CNTNAP2: variants seen among roughly 807,000 people sequenced by gnomAD.
The protein encoded by CNTNAP2 is contactin associated protein 2.
A neutral mutation model predicts 155.2 loss-of-function variants in CNTNAP2; 98 were observed. The observed-to-expected ratio is 0.63, with a 90% CI of 0.54 to 0.75. The LOEUF (loss-of-function observed/expected upper bound fraction) is 0.75, where lower values mean the gene tolerates loss of function less well. Among genes scored for constraint, CNTNAP2 ranks in the 30% least tolerant of loss-of-function variants. The probability of loss-of-function intolerance (pLI) is 0.00; values close to 1 mark genes in which losing one functional copy is unlikely to be tolerated. For synonymous variants in CNTNAP2, 651 were observed against 631.2 expected (o/e 1.03, Z -0.47); for missense variants, 1,727 against 1,688.1 (o/e 1.02, Z -0.40).
chr7:147,073,605 A>G (rs1429013459), intron 4 of CNTNAP2, among the ~76,000 whole-genome samples: 2 of 152,208 alleles, frequency 1.3e-5, no homozygotes, highest in East Asian at 3.9e-4. Flanking sequence ...AGATCTAAAA[A>G]TAATGGCTGA....
intron 13 of CNTNAP2, among the ~76,000 whole-genome samples, chr7:147,681,706 T>C (rs891367718): frequency 6.6e-6 from 1 of 151,962 alleles, no homozygotes; most frequent in Admixed American, 6.6e-5. Context: ...CTTCTATAGA[T>C]ACAGTAGTCT....
intron 11 of CNTNAP2, among the ~76,000 whole-genome samples, chr7:147,500,016 T>G (rs1456898750): frequency 6.6e-6 from 1 of 152,152 alleles, no homozygotes. Flanking sequence ...TTTAAATATA[T>G]ACTTAAGGTC....
intron 17 of CNTNAP2, among the ~76,000 whole-genome samples, chr7:148,161,687 G>A (rs1020321883): frequency 3.3e-5 from 5 of 151,998 alleles, no homozygotes; most frequent in African/African-American, 1.2e-4. Context: ...CCACTAATAA[G>A]CATCTTATTG....
intron 1 of CNTNAP2, among the ~76,000 whole-genome samples, chr7:146,435,611 G>A (rs1220126283): frequency 3.9e-5 from 6 of 152,118 alleles, no homozygotes; most frequent in Admixed American, 2.0e-4. Context: ...CCAGTGTTTC[G>A]GAGATGTTTG....
In CNTNAP2 at chr7:147,639,126, G is replaced by A. The variant is rs1436303522; in HGVS notation, c.1918G>A (p.Val640Met). 19 of 1,614,086 alleles carry A rather than the reference G, an allele frequency of 1.2e-5. No homozygotes were observed. Among genetic ancestry groups the A allele is most frequent in the Middle Eastern group, 1.7e-4 (1 of 6,058 alleles). Reference protein sequence around the residue: ...NMTEDKVWTIVSHDLQMQTPV... With the variant: ...NMTEDKVWTIMSHDLQMQTPV... ...CACAGAGGACAAAGTGTGGACCATA[G>A]TGTCTCATGACTTGCAGATGCAGAC... Residue 640 changes from valine (V) to methionine (M), a missense_variant, in exon 13 of 24, where the codon GTG (valine) becomes ATG (methionine). Transcript: ENST00000361727.
intron 10 of CNTNAP2, among the ~76,000 whole-genome samples, chr7:147,484,777 C>T (rs554094559): frequency 1.3e-5 from 2 of 152,308 alleles, no homozygotes; most frequent in South Asian, 4.1e-4. Context: ...TAGCAGGGAG[C>T]TGCTAGGGCA....
At chr7:148,172,603 C>T (rs1794842375) in intron 18 of CNTNAP2, 125 bp downstream of exon 18, 3 of 932,716 alleles carry the variant, frequency 3.2e-6, no homozygotes, top group Non-Finnish European at 5.2e-6. Context: ...CAGAATTTTT[C>T]TCTCAACTTA....
At chr7:148,275,510 TTTATTA>T (rs1252496769) in intron 21 of CNTNAP2, among the ~76,000 whole-genome samples, 1 of 152,134 alleles carries the variant, frequency 6.6e-6, no homozygotes, top group Non-Finnish European at 1.5e-5. Flanking sequence ...AAAACAGTAG[TTTATTA>T]TTTCTGGCAA....
At chr7:146,695,593 T>G (rs1800768809) in intron 1 of CNTNAP2, among the ~76,000 whole-genome samples, 1 of 151,866 alleles carries the variant, frequency 6.6e-6, no homozygotes, top group Non-Finnish European at 1.5e-5. Flanking sequence ...TTTGATTGTT[T>G]TTCATATTTT....
chr7:148,012,080 CT>C (rs749939208), intron 15 of CNTNAP2, among the ~76,000 whole-genome samples: 1 of 152,100 alleles, frequency 6.6e-6, no homozygotes, highest in Non-Finnish European at 1.5e-5. Flanking sequence ...TGGTTTTTGC[CT>C]TTTTGTTTAT....
intron 13 of CNTNAP2, among the ~76,000 whole-genome samples, chr7:147,829,838 G>A (rs1798519570): frequency 6.6e-6 from 1 of 152,016 alleles, no homozygotes. Flanking sequence ...AATCTTTGTG[G>A]GGAATACAGA....
chr7:148,247,378 C>T (rs1252281989), intron 20 of CNTNAP2, among the ~76,000 whole-genome samples: 1 of 152,126 alleles, frequency 6.6e-6, no homozygotes, highest in Non-Finnish European at 1.5e-5. Context: ...CCCTTCTCCA[C>T]CAAACCCGTC....
chr7:146,444,060 T>A (rs1796366058), intron 1 of CNTNAP2, among the ~76,000 whole-genome samples: 1 of 152,204 alleles, frequency 6.6e-6, no homozygotes, highest in African/African-American at 2.4e-5. Flanking sequence ...TTTGACAGAA[T>A]CTTGCTCTGT....
At chr7:148,144,013 A>C (rs1291085075) in intron 16 of CNTNAP2, among the ~76,000 whole-genome samples, 2 of 152,212 alleles carry the variant, frequency 1.3e-5, no homozygotes, top group African/African-American at 4.8e-5. Context: ...CCTTATGCAA[A>C]GTGCAAGACT....
chr7:147,649,841 T>C (rs1378174382), intron 13 of CNTNAP2, among the ~76,000 whole-genome samples: 1 of 151,710 alleles, frequency 6.6e-6, no homozygotes, highest in Non-Finnish European at 1.5e-5. Flanking sequence ...GGGATAATCA[T>C]AAAAAGTCTT....
At chr7:146,704,017 T>C (rs1800921335) in intron 1 of CNTNAP2, among the ~76,000 whole-genome samples, 2 of 152,312 alleles carry the variant, frequency 1.3e-5, no homozygotes, top group South Asian at 4.1e-4. Context: ...GTCATATGTC[T>C]ACTTTGATTG....
At chr7:146,734,351 T>C (rs1271107531) in intron 1 of CNTNAP2, among the ~76,000 whole-genome samples, 1 of 152,124 alleles carries the variant, frequency 6.6e-6, no homozygotes, top group African/African-American at 2.4e-5. Context: ...GTTCACCTAA[T>C]GGGAGTGACT....
At chr7:147,237,752 T>G (rs1299325750) in intron 8 of CNTNAP2, among the ~76,000 whole-genome samples, 1 of 152,212 alleles carries the variant, frequency 6.6e-6, no homozygotes, top group African/African-American at 2.4e-5. Context: ...GTGGTGGAAA[T>G]TCAGTCATAT....
rs570041045 is a variant in CNTNAP2, at chr7:148,247,616, T to C, written c.3381+17837T>C. ...CCCATTCTCTCTCTCTCTCTCTCTC[T>C]CTCTCTCTCTATTTATTTATTTATT... is the stretch of plus-strand genomic sequence containing the variant. On this transcript the variant is annotated intron_variant, in intron 20 of 23. Transcript: ENST00000361727. 6.0e-4 allele frequency among the ~76,000 whole-genome samples: 88 copies of C among 147,254 alleles called. 1 individual carries two copies. In the East Asian group the frequency reaches 0.016, roughly 27 times the overall value.
Sources: gnomAD v4.1 joint callset for allele counts (sites outside exome capture counted in the v4.1 genomes callset) on GRCh38, gnomAD v4.1.1 for gene constraint, MANE v1.5 for transcripts, NCBI Gene and HGNC (gene_info 2026-07-23, HGNC 2026-07-21) for gene names.